The following ARL15 variants were observed in gnomAD, a reference collection of about 807,000 sequenced individuals.
ARL15 encodes ADP-ribosylation factor-like protein 15.
ARL15 carries 19 observed loss-of-function variants against 25.2 expected under a neutral mutation model. That is an observed-to-expected ratio of 0.75 (90% confidence interval 0.53 to 1.10). ARL15 has a LOEUF of 1.10. Among genes scored for constraint, ARL15 ranks in the 50% least tolerant of loss-of-function variants. ARL15 has a pLI of 0.00. For synonymous variants in ARL15, 94 were observed against 86.8 expected (o/e 1.08, Z -0.46); for missense variants, 220 against 246.0 (o/e 0.89, Z 0.71).
intron 4 of ARL15, among the ~76,000 whole-genome samples, chr5:54,092,091 T>C (rs1459845428): frequency 7.9e-6 from 1 of 126,912 alleles, no homozygotes; most frequent in Non-Finnish European, 1.8e-5. Flanking sequence ...ACCACCACCA[T>C]CACCAGGATA....
intron 4 of ARL15, among the ~76,000 whole-genome samples, chr5:54,041,484 A>AAGCTAG (rs1050758641): frequency 2.0e-5 from 3 of 152,212 alleles, no homozygotes; most frequent in African/African-American, 7.2e-5. Context: ...CCTTATGGTT[A>AAGCTAG]AGCTAGAGGG....
At chr5:54,179,354 T>C (rs886371795) in intron 1 of ARL15, among the ~76,000 whole-genome samples, 2 of 152,104 alleles carry the variant, frequency 1.3e-5, no homozygotes, top group East Asian at 3.9e-4. Context: ...TCTGTTCTTT[T>C]GAGGAGGTGA....
intron 4 of ARL15, among the ~76,000 whole-genome samples, chr5:53,952,252 A>G (rs1346819022): frequency 1.3e-5 from 2 of 152,118 alleles, no homozygotes; most frequent in African/African-American, 4.8e-5. Context: ...ACAGAGTGAG[A>G]CTCTGTCTCA....
chr5:54,192,638 C>T (rs1205928735), intron 1 of ARL15, among the ~76,000 whole-genome samples: 2 of 120,390 alleles, frequency 1.7e-5, no homozygotes, highest in African/African-American at 3.4e-5. Context: ...ACACTAAGGT[C>T]ATGCTAATGA....
At chr5:54,054,174 C>G (rs1407900149) in intron 4 of ARL15, among the ~76,000 whole-genome samples, 1 of 152,186 alleles carries the variant, frequency 6.6e-6, no homozygotes, top group Non-Finnish European at 1.5e-5. Flanking sequence ...TACCTCGCCC[C>G]CACCTAAATA....
chr5:53,978,594 T>G (rs1317036217), intron 4 of ARL15, among the ~76,000 whole-genome samples: 1 of 120,820 alleles, frequency 8.3e-6, no homozygotes, highest in African/African-American at 3.2e-5. Context: ...GAGACCAGCC[T>G]GAGCAACACA....
At chr5:53,922,322 T>C (rs1039221506) in intron 4 of ARL15, among the ~76,000 whole-genome samples, 1 of 152,186 alleles carries the variant, frequency 6.6e-6, no homozygotes, top group Non-Finnish European at 1.5e-5. Context: ...GTCTCTGCCC[T>C]AGGACCAGGA....
intron 1 of ARL15, among the ~76,000 whole-genome samples, chr5:54,174,434 C>A (rs1221104758): frequency 6.6e-6 from 1 of 152,120 alleles, no homozygotes; most frequent in African/African-American, 2.4e-5. Context: ...GTCCTAAATT[C>A]ACTTTTCCTC....
At chr5:54,023,972 T>G (rs749653506) in intron 4 of ARL15, among the ~76,000 whole-genome samples, 40 of 152,152 alleles carry the variant, frequency 2.6e-4, no homozygotes, top group Non-Finnish European at 5.6e-4. Context: ...TCTCCTAAAA[T>G]CATCCCTACT....
chr5:54,002,817 T>C (rs998596288), intron 4 of ARL15, among the ~76,000 whole-genome samples: 15 of 152,250 alleles, frequency 9.9e-5, no homozygotes, highest in African/African-American at 3.6e-4. Context: ...TATATGTTTC[T>C]GAATTTCTAA....
Position 53,884,393 on chromosome 5 carries a change from C to T in ARL15, c.*2168G>A, listed in dbSNP as rs528365210. 8.2e-5 allele frequency: 12 copies of T among 147,042 alleles called. No individual in the cohort carries two copies. The highest frequency in any genetic ancestry group is 6.8e-4 in the Admixed American group (10 of 14,602). The allele number at this position is 147,042 out of a possible 1,614,324, so 9.1% of individuals were successfully genotyped here. On this transcript the variant is annotated 3_prime_UTR_variant, in exon 5 of 5. Transcript: ENST00000504924. ...CCACCACCCACCCACCCATCCCCAC[C>T]CGTTCAGGCCCCACCCCGCCCCCAC...
rs551826839 is a variant in ARL15 at position 54,030,609 on chromosome 5, G to A, written c.462+82593C>T. ...GGGAAGCATCACCAGCTAATTCAAAGGTCCCGAGGCAGCAGTGAGTTTGGC... is the reference window on the plus strand; with the variant it reads ...GGGAAGCATCACCAGCTAATTCAAAAGTCCCGAGGCAGCAGTGAGTTTGGC... On this transcript the variant is annotated intron_variant, in intron 4 of 4. Coordinates refer to ENST00000504924, the MANE Select transcript of ARL15 (RefSeq NM_019087.3). Among the ~76,000 whole-genome samples, 162 of 152,290 alleles carry A rather than the reference G, an allele frequency of 1.1e-3. 1 individual carries two copies. Among genetic ancestry groups the A allele is most frequent in the Non-Finnish European group, 1.9e-3 (131 of 68,030 alleles).
intron 4 of ARL15, among the ~76,000 whole-genome samples, chr5:54,029,320 C>CCAA: frequency 8.6e-6 from 1 of 115,822 alleles, no homozygotes; most frequent in Non-Finnish European, 1.8e-5. Flanking sequence ...ACCACCACCA[C>CCAA]CACCACCACC....
At chr5:54,276,540 G>A (rs749330043) in intron 1 of ARL15, among the ~76,000 whole-genome samples, 23 of 152,282 alleles carry the variant, frequency 1.5e-4, no homozygotes, top group African/African-American at 5.3e-4. Context: ...GCCTAAGATC[G>A]TACTAAGGTG....
intron 1 of ARL15, among the ~76,000 whole-genome samples, chr5:54,287,040 G>A (rs1263015706): frequency 6.6e-6 from 1 of 151,842 alleles, no homozygotes; most frequent in Non-Finnish European, 1.5e-5. Context: ...ACCATACCCA[G>A]CTAATTTTGT....
intron 4 of ARL15, among the ~76,000 whole-genome samples, chr5:54,039,121 C>A (rs1191003640): frequency 6.6e-6 from 1 of 152,172 alleles, no homozygotes; most frequent in Non-Finnish European, 1.5e-5. Flanking sequence ...CTCTTCTATT[C>A]ATATATCTAC....
rs144129745 is a variant in ARL15, at chr5:53,979,984, C to T, written c.463-93271G>A. Among the ~76,000 whole-genome samples, 1,110 of 152,126 alleles carry T rather than the reference C, an allele frequency of 7.3e-3. 9 individuals carry two copies. The highest frequency in any genetic ancestry group is 0.024 in the African/African-American group (995 of 41,494). On this transcript the variant is annotated intron_variant, in intron 4 of 4. Coordinates refer to ENST00000504924, the MANE Select transcript of ARL15 (RefSeq NM_019087.3). ...CCTCCCAAAGTGCTGGGATTACAGGCGTGAGCCACTGAACCTGGCCTAAAG... is the reference window on the plus strand; with the variant it reads ...CCTCCCAAAGTGCTGGGATTACAGGTGTGAGCCACTGAACCTGGCCTAAAG...
At chr5:53,903,494 C>G (rs1405208453) in intron 4 of ARL15, among the ~76,000 whole-genome samples, 2 of 152,194 alleles carry the variant, frequency 1.3e-5, no homozygotes, top group East Asian at 3.9e-4. Flanking sequence ...TCCCCTCTCA[C>G]CTCAACAAAA....
chr5:53,969,546 T>C (rs375410912), intron 4 of ARL15, among the ~76,000 whole-genome samples: 98 of 152,312 alleles, frequency 6.4e-4, no homozygotes, highest in Middle Eastern at 3.4e-3. Context: ...AAAGATTAAA[T>C]AATTTAGAAA....
Sources: gnomAD v4.1 joint callset for allele counts (sites outside exome capture counted in the v4.1 genomes callset) on GRCh38, gnomAD v4.1.1 for gene constraint, MANE v1.5 for transcripts, NCBI Gene and HGNC (gene_info 2026-07-23, HGNC 2026-07-21) for gene names.